SRD5A2: variants seen among roughly 807,000 people sequenced by gnomAD.
SRD5A2 encodes steroid 5 alpha-reductase 2.
SRD5A2 carries 30 observed loss-of-function variants against 27.4 expected under a neutral mutation model. The ratio of observed to expected loss-of-function variants is 1.10; its 90% CI spans 0.82 to 1.49. SRD5A2 has a LOEUF of 1.49. Among genes scored for constraint, SRD5A2 ranks in the 40% most tolerant of loss-of-function variants. The probability of loss-of-function intolerance (pLI) is 0.00; values close to 1 mark genes in which losing one functional copy is unlikely to be tolerated. For synonymous variants in SRD5A2, 141 were observed against 133.6 expected, an observed-to-expected ratio of 1.06 and a Z score of -0.38; for missense variants, 348 against 323.4, an observed-to-expected ratio of 1.08 and a Z score of -0.58.
intron 3 of SRD5A2, among the ~76,000 whole-genome samples, chr2:31,530,943 G>C (rs894449544): frequency 7.2e-5 from 11 of 152,202 alleles, no homozygotes; most frequent in African/African-American, 2.7e-4. Flanking sequence ...AAATACGCAA[G>C]TTCTAGCCTT....
chr2:31,618,143 G>A, the SRD5A2 span, among the ~76,000 whole-genome samples: 1 of 152,200 alleles, frequency 6.6e-6, no homozygotes, highest in Admixed American at 6.5e-5. Flanking sequence ...CAGCAGGCAA[G>A]AGAGCTTGTG....
chr2:31,531,649 C>A (rs749007196), intron 2 of SRD5A2, among the ~76,000 whole-genome samples, 177 bp from the exon 3 acceptor site: 2 of 152,178 alleles, frequency 1.3e-5, no homozygotes, highest in Non-Finnish European at 2.9e-5. Flanking sequence ...ATGGGGAGCA[C>A]TGGGTGTGCT....
chr2:31,530,016 T>C (rs1665871848), intron 3 of SRD5A2, among the ~76,000 whole-genome samples: 1 of 152,204 alleles, frequency 6.6e-6, no homozygotes, highest in African/African-American at 2.4e-5. Context: ...CTGCAGGTAT[T>C]TGTCCTGCTG....
At chr2:31,594,886 A>G in the SRD5A2 span, among the ~76,000 whole-genome samples, 23 of 152,204 alleles carry the variant, frequency 1.5e-4, no homozygotes, top group Non-Finnish European at 2.9e-4. Context: ...ATAAAATTGG[A>G]AATTAACTCC....
chr2:31,607,764 A>T, the SRD5A2 span, among the ~76,000 whole-genome samples: 1 of 152,030 alleles, frequency 6.6e-6, no homozygotes, highest in South Asian at 2.1e-4. Flanking sequence ...TCTTAAAATT[A>T]TGTAATCCAT....
chr2:31,583,652 C>CAAAAAAAAAAAAAAAAAAAAAAAAAA (rs1352139998), upstream of SRD5A2, among the ~76,000 whole-genome samples: 2 of 20,922 alleles, frequency 9.6e-5, no homozygotes, highest in African/African-American at 1.3e-4. Flanking sequence ...AAAAAAAAAC[C>CAAAAAAAAAAAAAAAAAAAAAAAAAA]AAAAAAAAAG....
At chr2:31,624,306 A>C in the SRD5A2 span, among the ~76,000 whole-genome samples, 20 of 152,020 alleles carry the variant, frequency 1.3e-4, no homozygotes, top group African/African-American at 4.8e-4. Context: ...CTGTTGTGCT[A>C]GCAAATACTA....
the SRD5A2 span, among the ~76,000 whole-genome samples, chr2:31,596,173 G>A: frequency 6.6e-6 from 1 of 152,050 alleles, no homozygotes; most frequent in South Asian, 2.1e-4. Context: ...CACTTTGGGA[G>A]GCCAAGGAGT....
rs1665705887 is a variant in SRD5A2 at position 31,523,595 on chromosome 2, A to G, written c.*2601T>C. ...AATTCTGAAAAACAAACAAAACTCA[A>G]CATTTTCTTCAAGGTTGGCAGGAAA... On this transcript the variant is annotated 3_prime_UTR_variant, in exon 5 of 5. Transcript: ENST00000622030. The G allele has an allele frequency of 4.6e-6, 1 of 217,880 alleles. No homozygotes were observed. Among genetic ancestry groups the G allele is most frequent in the African/African-American group, 2.2e-5 (1 of 44,470 alleles). The allele number at this position is 217,880 out of a possible 1,614,324, so 13.5% of individuals were successfully genotyped here. A position where few individuals can be genotyped will look rare whatever the true frequency, so the allele number is the denominator to read the frequency against.
chr2:31,574,147 C>T (rs993018704), intron 1 of SRD5A2, among the ~76,000 whole-genome samples: 1 of 152,202 alleles, frequency 6.6e-6, no homozygotes, highest in Non-Finnish European at 1.5e-5. Flanking sequence ...TCCCACCTGC[C>T]TGATATTGTC....
chr2:31,550,921 A>G (rs1282062000), intron 1 of SRD5A2, among the ~76,000 whole-genome samples: 1 of 152,008 alleles, frequency 6.6e-6, no homozygotes, highest in African/African-American at 2.4e-5. Flanking sequence ...GAAAAGGAGA[A>G]ATAAAAGTCA....
the SRD5A2 span, among the ~76,000 whole-genome samples, chr2:31,642,881 A>G: frequency 6.6e-6 from 1 of 152,108 alleles, no homozygotes; most frequent in South Asian, 2.1e-4. Context: ...CACATGCAAA[A>G]TTGTGGATTC....
At chr2:31,571,772 C>G (rs564149983) in intron 1 of SRD5A2, among the ~76,000 whole-genome samples, 1 of 152,130 alleles carries the variant, frequency 6.6e-6, no homozygotes, top group Non-Finnish European at 1.5e-5. Context: ...AAAAAATGCT[C>G]GGCATCACTA....
At chr2:31,609,877 C>A in the SRD5A2 span, among the ~76,000 whole-genome samples, 2 of 151,348 alleles carry the variant, frequency 1.3e-5, no homozygotes, top group African/African-American at 4.9e-5. Flanking sequence ...AATTCAAGTT[C>A]AATAATGAAG....
intron 4 of SRD5A2, among the ~76,000 whole-genome samples, chr2:31,526,723 T>A (rs1374735823): frequency 6.6e-6 from 1 of 151,980 alleles, no homozygotes; most frequent in Non-Finnish European, 1.5e-5. Flanking sequence ...TGCCAGCAAA[T>A]TGTCACCATG....
chr2:31,557,799 A>C (rs1445742328), intron 1 of SRD5A2, among the ~76,000 whole-genome samples: 1 of 152,228 alleles, frequency 6.6e-6, no homozygotes, highest in Non-Finnish European at 1.5e-5. Context: ...CTTCTAAAAT[A>C]GGACCAGCTT....
At chr2:31,553,889 C>A (rs542232106) in intron 1 of SRD5A2, among the ~76,000 whole-genome samples, 1 of 151,884 alleles carries the variant, frequency 6.6e-6, no homozygotes, top group African/African-American at 2.4e-5. Flanking sequence ...ACAGGGGTTA[C>A]GGAGGTTTGG....
intron 1 of SRD5A2, among the ~76,000 whole-genome samples, chr2:31,571,768 T>C (rs1666853726): frequency 6.6e-6 from 1 of 152,166 alleles, no homozygotes. Context: ...TATGAAAAAA[T>C]GCTCGGCATC....
At chr2:31,614,959 T>A in the SRD5A2 span, among the ~76,000 whole-genome samples, 1 of 152,224 alleles carries the variant, frequency 6.6e-6, no homozygotes, top group East Asian at 1.9e-4. Flanking sequence ...TCTCATGAGG[T>A]CTGATGGTTT....
Sources: allele counts gnomAD v4.1 joint callset (sites outside exome capture counted in the v4.1 genomes callset), GRCh38; gene constraint gnomAD v4.1.1; transcripts MANE v1.5; gene names NCBI Gene and HGNC (gene_info 2026-07-23, HGNC 2026-07-21).